The following TMPRSS13 variants were observed in gnomAD, a reference collection of about 807,000 sequenced individuals.
The protein encoded by TMPRSS13 is transmembrane protease serine 13.
Under a neutral mutation model 68.4 loss-of-function variants are expected in TMPRSS13, and 50 were observed. The ratio of observed to expected loss-of-function variants is 0.73; its 90% CI spans 0.58 to 0.93. TMPRSS13 has a LOEUF of 0.93. TMPRSS13 is among the 40% of genes least tolerant of loss of function. TMPRSS13 has a pLI of 0.00. For synonymous variants in TMPRSS13, 267 were observed against 285.8 expected (o/e 0.93, Z 0.66); for missense variants, 615 against 729.2 (o/e 0.84, Z 1.80).
intron 1 of TMPRSS13, among the ~76,000 whole-genome samples, chr11:117,919,887 C>T (rs2057625460): frequency 6.6e-6 from 1 of 152,242 alleles, no homozygotes; most frequent in African/African-American, 2.4e-5. Flanking sequence ...TCTTCGTGAA[C>T]CACGTGTACA....
intron 1 of TMPRSS13, among the ~76,000 whole-genome samples, chr11:117,921,707 G>A (rs1018900239): frequency 6.6e-5 from 10 of 152,202 alleles, no homozygotes; most frequent in Admixed American, 2.6e-4. Context: ...GGGTCTGGGG[G>A]TATCTAGCTC....
In TMPRSS13 at chr11:117,914,659, GA is replaced by G. The variant is rs765508143; in HGVS notation, c.557-146del. ...CTCTCATCCCCCATCTGTATGGAGA[GA>G]AAGGCTGCTCAGGAATGCTCCAGAA... On this transcript the variant is annotated intron_variant, in intron 3 of 12. Coordinates refer to ENST00000524993, the MANE Select transcript of TMPRSS13 (RefSeq NM_001077263.3). This position sits in a 1 kb window ranked among gnomAD's most constrained non-coding sequence, Gnocchi z 4.2. 3.3e-4 allele frequency: 480 copies of G among 1,437,328 alleles called. 2 individuals are homozygous for G. Among genetic ancestry groups the G allele is most frequent in the South Asian group, 2.3e-3 (169 of 74,280 alleles). 89.0% of individuals were successfully genotyped at this position (1,437,328 alleles called of 1,614,324 possible). A position where few individuals can be genotyped will look rare whatever the true frequency, so the allele number is the denominator to read the frequency against.
At chr11:117,916,802 A>G (rs4938455) in intron 3 of TMPRSS13, among the ~76,000 whole-genome samples, 125,884 of 152,204 alleles carry the variant, frequency 0.83, 54,997 homozygotes, top group Non-Finnish European at 0.98. Context: ...TCATAATCTA[A>G]TGAAGTTGGA....
At chr11:117,903,502 A>G (rs1257467539) in intron 12 of TMPRSS13, 153 bp downstream of exon 12, 3 of 1,545,634 alleles carry the variant, frequency 1.9e-6, no homozygotes, top group Admixed American at 2.0e-5. Context: ...GCTGGGATTG[A>G]CCCCAGGCAT....
At chr11:117,904,861 T>TTTTATATATATATA (rs2057447395) in intron 10 of TMPRSS13, among the ~76,000 whole-genome samples, 1 of 100,672 alleles carries the variant, frequency 9.9e-6, no homozygotes, top group South Asian at 3.2e-4. Context: ...CTAGATAAGA[T>TTTTATATATATATA]TATATATATA....
In TMPRSS13 at chr11:117,914,253, A is replaced by G. The variant is rs1565349501; in HGVS notation, c.679+139T>C. 8.5e-7 allele frequency: 1 copy of G among 1,180,676 alleles called. No homozygotes were observed. Among genetic ancestry groups the G allele is most frequent in the Non-Finnish European group, 1.2e-6 (1 of 818,828 alleles). 73.1% of individuals were successfully genotyped at this position (1,180,676 alleles called of 1,614,324 possible). A position where few individuals can be genotyped will look rare whatever the true frequency, so the allele number is the denominator to read the frequency against. On this transcript the variant is annotated intron_variant, in intron 4 of 12. Coordinates refer to ENST00000524993, the MANE Select transcript of TMPRSS13 (RefSeq NM_001077263.3). The surrounding 1 kb of genome is among the most constrained non-coding windows in gnomAD (Gnocchi z 4.2). Reference sequence around the variant, plus strand: ...TACGTGCACACACACATACATGCATACACACAAACATGCACATACACACAC... The same window carrying G: ...TACGTGCACACACACATACATGCATGCACACAAACATGCACATACACACAC...
In TMPRSS13 at chr11:117,918,540, G is replaced by C. The variant is rs373278830; in HGVS notation, c.320C>G (p.Ala107Gly). The C allele has an allele frequency of 6.2e-7, 1 of 1,614,214 alleles. No homozygotes were observed. Among genetic ancestry groups the C allele is most frequent in the Non-Finnish European group, 8.5e-7 (1 of 1,180,042 alleles). Reference sequence around the variant, plus strand: ...GGAGGTTGTCACCGAGGCTGACCTGGCGGATGATGACCTGCCGGATGAGGA... The same window carrying C: ...GGAGGTTGTCACCGAGGCTGACCTGCCGGATGATGACCTGCCGGATGAGGA... ...SRSSSGRSSSARSASVTTSPT... is the reference protein window; with the variant it reads ...SRSSSGRSSSGRSASVTTSPT... The change falls in exon 2 of 13, where the codon GCC becomes GGC. Residue 107 changes from alanine to glycine, a missense_variant. Coordinates refer to ENST00000524993, the MANE Select transcript of TMPRSS13 (RefSeq NM_001077263.3).
At chr11:117,926,594 C>G (rs2057710165) in intron 1 of TMPRSS13, among the ~76,000 whole-genome samples, 2 of 152,230 alleles carry the variant, frequency 1.3e-5, no homozygotes, top group South Asian at 4.1e-4. Context: ...CTTTAATAAG[C>G]ATTGCACTGC....
chr11:117,906,621 GC>G (rs1180554440), intron 9 of TMPRSS13, among the ~76,000 whole-genome samples: 2 of 152,170 alleles, frequency 1.3e-5, no homozygotes, highest in Non-Finnish European at 2.9e-5. Flanking sequence ...TTGGAATTAG[GC>G]TTTAAACATT....
At chr11:117,919,834 T>C (rs931757731) in intron 1 of TMPRSS13, among the ~76,000 whole-genome samples, 2 of 152,234 alleles carry the variant, frequency 1.3e-5, no homozygotes, top group African/African-American at 4.8e-5. Flanking sequence ...TATTTGTCTC[T>C]GAGTCACCTG....
chr11:117,919,823 C>T (rs1446698582), intron 1 of TMPRSS13, among the ~76,000 whole-genome samples: 1 of 152,230 alleles, frequency 6.6e-6, no homozygotes, highest in Non-Finnish European at 1.5e-5. Context: ...TACCCCATGC[C>T]TATTTGTCTC....
intron 7 of TMPRSS13, among the ~76,000 whole-genome samples, chr11:117,910,340 C>G (rs2057509263): frequency 6.6e-6 from 1 of 152,174 alleles, no homozygotes; most frequent in African/African-American, 2.4e-5. Context: ...CCCAGGACTG[C>G]CATTAGGTGC....
At chr11:117,918,920 G>A in intron 1 of TMPRSS13, 82 bp from the exon 2 acceptor site, 1 of 1,567,272 alleles carries the variant, frequency 6.4e-7, no homozygotes, top group Non-Finnish European at 8.6e-7. Context: ...ACTAGGAGAT[G>A]AATGCTCTGG....
chr11:117,927,723 C>T (rs962394277), intron 1 of TMPRSS13, among the ~76,000 whole-genome samples: 14 of 152,190 alleles, frequency 9.2e-5, no homozygotes, highest in Non-Finnish European at 1.9e-4. Context: ...GATGGGAATA[C>T]GAGCCCCAAC....
chr11:117,908,467 A>G, intron 9 of TMPRSS13, 145 bp downstream of exon 9: 1 of 846,212 alleles, frequency 1.2e-6, no homozygotes, highest in Non-Finnish European at 1.9e-6. Context: ...GAAGTGTTCC[A>G]TGTAAGGATC....
intron 1 of TMPRSS13, among the ~76,000 whole-genome samples, chr11:117,919,967 C>A (rs1429532354): frequency 6.6e-6 from 1 of 152,230 alleles, no homozygotes; most frequent in African/African-American, 2.4e-5. Flanking sequence ...CCAGGAACAC[C>A]TTGGGAACCT....
At position 117,918,757 on chromosome 11, in the gene TMPRSS13, A is replaced by T. The variant is rs1005521741; in HGVS notation, c.103T>A (p.Ser35Thr). 3.1e-6 allele frequency: 5 copies of T among 1,610,370 alleles called. No individual in the cohort carries two copies. The highest frequency in any genetic ancestry group is 4.2e-6 in the Non-Finnish European group (5 of 1,179,378). Residue 35 changes from serine to threonine, a missense_variant, in exon 2 of 13, where the codon TCT becomes ACT. Transcript: ENST00000524993. Reference sequence around the variant, plus strand: ...TGGGCTGGAGATGCCTGGGCTGGAGATGCCCGGCCTGGAGGTGTCCCAGCT... The same window carrying T: ...TGGGCTGGAGATGCCTGGGCTGGAGTTGCCCGGCCTGGAGGTGTCCCAGCT... ...SPAGTPPGRASPAQASPAQAS... is the reference protein window; with the variant it reads ...SPAGTPPGRATPAQASPAQAS...
chr11:117,917,145 C>A (rs763827168), intron 3 of TMPRSS13, 25 bp downstream of exon 3: 2 of 1,597,010 alleles, frequency 1.3e-6, no homozygotes, highest in African/African-American at 1.3e-5. Context: ...CCAGAACCCA[C>A]CCCTGCACCC....
intron 5 of TMPRSS13, among the ~76,000 whole-genome samples, chr11:117,913,462 C>T (rs917999189): frequency 3.3e-5 from 5 of 152,154 alleles, no homozygotes; most frequent in East Asian, 1.9e-4. Context: ...CTGCCCAAGT[C>T]GTAGGGCCAC....
Sources: allele counts gnomAD v4.1 joint callset (sites outside exome capture counted in the v4.1 genomes callset), GRCh38; gene constraint gnomAD v4.1.1; non-coding constraint Gnocchi (gnomAD v3.1); transcripts MANE v1.5; gene names NCBI Gene and HGNC (gene_info 2026-07-23, HGNC 2026-07-21).